Variants in CUBN observed in about 807,000 individuals in gnomAD.
CUBN encodes the protein cubilin.
A neutral mutation model predicts 405.3 loss-of-function variants in CUBN; 282 were observed. That is an observed-to-expected ratio of 0.70 (90% CI 0.63 to 0.77). CUBN has a LOEUF of 0.77. Ranked by LOEUF, CUBN falls within the 30% of genes least tolerant of loss-of-function variation. CUBN has a pLI of 0.00. For missense variants in CUBN, 4,514 were observed against 4,475.2 expected (o/e 1.01, Z -0.25); for synonymous variants, 1,684 against 1,617.0 (o/e 1.04, Z -0.99).
intron 28 of CUBN, among the ~76,000 whole-genome samples, chr10:17,011,142 C>A (rs1834168048): frequency 6.6e-6 from 1 of 152,148 alleles, no homozygotes. Flanking sequence ...GCTATGAGAC[C>A]CACAAGCACT....
At chr10:16,878,819 G>A (rs979898478) in intron 56 of CUBN, among the ~76,000 whole-genome samples, 12 of 152,190 alleles carry the variant, frequency 7.9e-5, no homozygotes, top group African/African-American at 2.9e-4. Context: ...CATGCAATAT[G>A]TGACCTTTTG....
chr10:17,005,686 G>T (rs1834000559), intron 28 of CUBN, among the ~76,000 whole-genome samples: 1 of 152,108 alleles, frequency 6.6e-6, no homozygotes, highest in Non-Finnish European at 1.5e-5. Context: ...TGGCGTCCTG[G>T]ATTATGTATA....
intron 22 of CUBN, among the ~76,000 whole-genome samples, chr10:17,049,589 G>A (rs1304608896): frequency 1.3e-5 from 2 of 152,090 alleles, no homozygotes; most frequent in Non-Finnish European, 2.9e-5. Context: ...CTGTTAATCT[G>A]TACTGAAATT....
intron 31 of CUBN, among the ~76,000 whole-genome samples, chr10:16,973,526 C>A (rs1191761116): frequency 6.6e-6 from 1 of 152,150 alleles, no homozygotes; most frequent in Admixed American, 6.5e-5. Context: ...GGTCCATGTG[C>A]AGGTTTGCTA....
chr10:16,983,453 C>A (rs1442234415), intron 30 of CUBN, among the ~76,000 whole-genome samples: 3 of 152,210 alleles, frequency 2.0e-5, no homozygotes, highest in Non-Finnish European at 4.4e-5. Context: ...CCTTTCTAAG[C>A]TTCAGTGTCC....
intron 1 of CUBN, 144 bp from the exon 2 acceptor site, chr10:17,129,394 G>A: frequency 9.6e-7 from 1 of 1,040,244 alleles, no homozygotes. Context: ...CTGCTCATCT[G>A]CCACTTTTTT....
chr10:16,891,924 C>T (rs12098783), intron 54 of CUBN, among the ~76,000 whole-genome samples: 3 of 152,148 alleles, frequency 2.0e-5, no homozygotes, highest in East Asian at 1.9e-4. Flanking sequence ...TATCAACAGA[C>T]AACTATCTCA....
chr10:16,853,156 A>G (rs2131341739), intron 59 of CUBN, among the ~76,000 whole-genome samples: 1 of 152,340 alleles, frequency 6.6e-6, no homozygotes, highest in East Asian at 1.9e-4. Context: ...ACAGCTCAGA[A>G]ATGATTTAAG....
intron 66 of CUBN, among the ~76,000 whole-genome samples, chr10:16,827,668 C>T (rs1195757279): frequency 6.6e-6 from 1 of 152,232 alleles, no homozygotes; most frequent in African/African-American, 2.4e-5. Flanking sequence ...GTGGCGCCAT[C>T]TCGGCTCACT....
rs1488995472 is a variant in CUBN at position 16,869,762 on chromosome 10, CAAG to C, written c.9325_9327del (p.Leu3109del). 1.2e-6 allele frequency: 2 copies of C among 1,614,052 alleles called. No homozygotes were observed. Among genetic ancestry groups the C allele is most frequent in the East Asian group, 4.5e-5 (2 of 44,874 alleles). On this transcript the variant is annotated inframe_deletion, in exon 59 of 67. Transcript: ENST00000377833. ...GGGCGCTTGGAACCGCAGAATTTGC[CAAG>C]AAGGGGATCGCTGGTATTGGCACCA... is the stretch of plus-strand genomic sequence containing the variant.
chr10:16,909,059 G>C (rs906594965), intron 48 of CUBN, among the ~76,000 whole-genome samples: 1 of 149,308 alleles, frequency 6.7e-6, no homozygotes, highest in African/African-American at 2.5e-5. Context: ...ATTTTTTTTT[G>C]TATTTTTAGT....
At chr10:16,983,955 G>A in intron 30 of CUBN, 150 bp downstream of exon 30, 2 of 798,968 alleles carry the variant, frequency 2.5e-6, no homozygotes. Context: ...ACGTATTTTA[G>A]GGAAGGGTAT....
At chr10:17,041,855 C>A (rs1343988765) in intron 26 of CUBN, among the ~76,000 whole-genome samples, 1 of 152,016 alleles carries the variant, frequency 6.6e-6, no homozygotes, top group African/African-American at 2.4e-5. Context: ...TGTGAAATTA[C>A]AGAAAAAAAG....
intron 40 of CUBN, 138 bp from the exon 41 acceptor site, chr10:16,928,441 G>C (rs1473482454): frequency 3.3e-6 from 3 of 897,932 alleles, no homozygotes; most frequent in Non-Finnish European, 5.2e-6. Flanking sequence ...TCCTCAAAAA[G>C]AAGGACCCCT....
intron 57 of CUBN, 49 bp from the exon 58 acceptor site, chr10:16,874,552 C>A: frequency 6.2e-7 from 1 of 1,609,712 alleles, no homozygotes; most frequent in Non-Finnish European, 8.5e-7. Context: ...TTAGTCCCAG[C>A]ATGGAAAAAT....
chr10:17,061,893 A>G (rs1835512726), intron 22 of CUBN, among the ~76,000 whole-genome samples: 3 of 152,170 alleles, frequency 2.0e-5, no homozygotes, highest in Admixed American at 6.5e-5. Context: ...GGATTCTAAG[A>G]CGGGACTCAG....
chr10:16,917,815 A>T (rs1841924308), intron 45 of CUBN, among the ~76,000 whole-genome samples: 1 of 152,336 alleles, frequency 6.6e-6, no homozygotes, highest in East Asian at 1.9e-4. Context: ...AAATTAGGCA[A>T]ATAGACTTAT....
At chr10:16,955,055 A>C (rs1442105013) in intron 31 of CUBN, among the ~76,000 whole-genome samples, 3 of 152,158 alleles carry the variant, frequency 2.0e-5, no homozygotes, top group Admixed American at 6.5e-5. Flanking sequence ...GGGTGATATA[A>C]GGCTGATTTA....
At chr10:16,961,793 C>G (rs7091105) in intron 31 of CUBN, among the ~76,000 whole-genome samples, 3,472 of 145,974 alleles carry the variant, frequency 0.024, 137 homozygotes, top group African/African-American at 0.081. Flanking sequence ...CTCACTGCAA[C>G]CTCCGCCTCC....
Sources: allele counts gnomAD v4.1 joint callset (sites outside exome capture counted in the v4.1 genomes callset), GRCh38; gene constraint gnomAD v4.1.1; transcripts MANE v1.5; gene names NCBI Gene and HGNC (gene_info 2026-07-23, HGNC 2026-07-21).